Variants in SNTG1 observed in about 807,000 individuals in gnomAD.
SNTG1 encodes the protein syntrophin gamma 1.
Under a neutral mutation model 74.7 loss-of-function variants are expected in SNTG1, and 39 were observed. The ratio of observed to expected loss-of-function variants is 0.52; its 90% CI spans 0.40 to 0.68. The LOEUF (loss-of-function observed/expected upper bound fraction) is 0.68, where lower values mean the gene tolerates loss of function less well. SNTG1 is among the 30% of genes least tolerant of loss of function. The probability of loss-of-function intolerance (pLI) is 0.00; values close to 1 mark genes in which losing one functional copy is unlikely to be tolerated. For synonymous variants in SNTG1, 254 were observed against 217.1 expected, an observed-to-expected ratio of 1.17 and a Z score of -1.49; for missense variants, 685 against 609.5, an observed-to-expected ratio of 1.12 and a Z score of -1.30.
chr8:50,349,234 A>T (rs11985321), intron 2 of SNTG1, among the ~76,000 whole-genome samples: 2 of 152,160 alleles, frequency 1.3e-5, no homozygotes, highest in Admixed American at 6.5e-5. Flanking sequence ...GTCTGTGGGG[A>T]CCTATCATGT....
At chr8:50,368,309 C>T (rs1367286440) in intron 2 of SNTG1, among the ~76,000 whole-genome samples, 1 of 152,058 alleles carries the variant, frequency 6.6e-6, no homozygotes, top group Non-Finnish European at 1.5e-5. Context: ...TTACCAGATA[C>T]AATTTTTAAG....
intron 2 of SNTG1, among the ~76,000 whole-genome samples, chr8:50,226,801 A>AG (rs2085351633): frequency 6.6e-6 from 1 of 152,198 alleles, no homozygotes; most frequent in Non-Finnish European, 1.5e-5. Context: ...CATTGTAGTC[A>AG]GGCCCTCCTG....
intron 17 of SNTG1, among the ~76,000 whole-genome samples, chr8:50,714,792 A>G (rs544600282): frequency 2.0e-5 from 3 of 152,120 alleles, no homozygotes; most frequent in South Asian, 4.2e-4. Flanking sequence ...CTCAACCACA[A>G]TCTAATTTAC....
chr8:50,525,791 C>T (rs973476613), intron 9 of SNTG1, among the ~76,000 whole-genome samples: 4 of 150,966 alleles, frequency 2.6e-5, no homozygotes, highest in African/African-American at 7.3e-5. Context: ...TTTTAGCACA[C>T]TGAGCTTCTT....
chr8:50,619,101 T>C (rs991080033), intron 13 of SNTG1, among the ~76,000 whole-genome samples: 16 of 152,202 alleles, frequency 1.1e-4, no homozygotes, highest in East Asian at 3.8e-4. Context: ...CTTTATATTA[T>C]GTGCAAATTT....
At chr8:50,193,060 G>C (rs766782642) in intron 2 of SNTG1, among the ~76,000 whole-genome samples, 4 of 152,040 alleles carry the variant, frequency 2.6e-5, no homozygotes, top group Non-Finnish European at 5.9e-5. Context: ...TGGCCTTATA[G>C]TATAGTTTGA....
intron 8 of SNTG1, among the ~76,000 whole-genome samples, chr8:50,502,124 T>C (rs2093964745): frequency 6.6e-6 from 1 of 152,156 alleles, no homozygotes; most frequent in South Asian, 2.1e-4. Flanking sequence ...TTGAGAGTTA[T>C]TGATAATAAC....
chr8:50,181,760 C>A (rs1261584921), intron 2 of SNTG1, among the ~76,000 whole-genome samples: 2 of 151,976 alleles, frequency 1.3e-5, no homozygotes, highest in Non-Finnish European at 2.9e-5. Flanking sequence ...GTAACATGTA[C>A]AAAGTTATAT....
At chr8:50,196,438 A>G (rs1290405261) in intron 2 of SNTG1, among the ~76,000 whole-genome samples, 1 of 152,306 alleles carries the variant, frequency 6.6e-6, no homozygotes, top group Middle Eastern at 3.4e-3. Flanking sequence ...AGCTGCCTTT[A>G]AACTCTCTTT....
At chr8:50,590,368 T>C (rs1156259111) in intron 12 of SNTG1, among the ~76,000 whole-genome samples, 1 of 152,188 alleles carries the variant, frequency 6.6e-6, no homozygotes, top group Non-Finnish European at 1.5e-5. Flanking sequence ...GGAGACCTAC[T>C]TTAAATTCTT....
At chr8:50,488,719 G>T (rs919902484) in intron 8 of SNTG1, among the ~76,000 whole-genome samples, 16 of 152,166 alleles carry the variant, frequency 1.1e-4, no homozygotes, top group African/African-American at 3.9e-4. Context: ...CAAGAGCCCA[G>T]CATGACACTT....
chr8:50,152,765 G>A (rs989313539), intron 1 of SNTG1, among the ~76,000 whole-genome samples: 19 of 152,128 alleles, frequency 1.2e-4, no homozygotes, highest in Non-Finnish European at 2.1e-4. Flanking sequence ...AGTTTCTGCC[G>A]AGAGATCAGC....
intron 9 of SNTG1, among the ~76,000 whole-genome samples, chr8:50,507,170 G>C (rs1396728452): frequency 6.6e-6 from 1 of 151,658 alleles, no homozygotes. Context: ...TTGCATTTCA[G>C]GAATAAGTCA....
rs182433156 is a variant in SNTG1 at position 50,084,149 on chromosome 8, G to A, written c.-102-88412G>A. Reference sequence around the variant, plus strand: ...GGAAATGTTGTGCTAAATAGTGTATGCTAGAAAATATTTAAGTAAACTGTA... The same window carrying A: ...GGAAATGTTGTGCTAAATAGTGTATACTAGAAAATATTTAAGTAAACTGTA... On this transcript the variant is annotated intron_variant, in intron 1 of 18. Coordinates refer to ENST00000642720, the MANE Select transcript of SNTG1 (RefSeq NM_018967.5). Among the ~76,000 whole-genome samples the A allele has an allele frequency of 3.3e-3, 504 of 152,230 alleles. 6 individuals carry two copies. Among genetic ancestry groups the A allele is most frequent in the Admixed American group, 4.3e-3 (66 of 15,286 alleles).
chr8:50,150,244 G>T (rs1226370957), intron 1 of SNTG1, among the ~76,000 whole-genome samples: 1 of 152,262 alleles, frequency 6.6e-6, no homozygotes, highest in Admixed American at 6.5e-5. Context: ...CATTGATTTT[G>T]TATCCTGAGA....
chr8:50,023,530 C>T (rs1392383393), intron 1 of SNTG1, among the ~76,000 whole-genome samples: 1 of 152,074 alleles, frequency 6.6e-6, no homozygotes, highest in Non-Finnish European at 1.5e-5. Flanking sequence ...AAAGCTAAAG[C>T]CTGTTGTCCT....
intron 18 of SNTG1, among the ~76,000 whole-genome samples, chr8:50,786,287 T>G (rs895213032): frequency 2.0e-5 from 3 of 151,910 alleles, no homozygotes; most frequent in African/African-American, 7.2e-5. Flanking sequence ...TATCAAAAAA[T>G]TCTAAGGAAT....
At chr8:50,668,923 T>G (rs564680049) in intron 15 of SNTG1, among the ~76,000 whole-genome samples, 1 of 152,050 alleles carries the variant, frequency 6.6e-6, no homozygotes, top group Non-Finnish European at 1.5e-5. Flanking sequence ...CAATTGTAAA[T>G]AGTGCTGCAG....
intron 2 of SNTG1, among the ~76,000 whole-genome samples, chr8:50,348,560 A>G (rs115357744): frequency 2.0e-5 from 3 of 152,222 alleles, no homozygotes; most frequent in African/African-American, 7.2e-5. Context: ...GTCTGAGGAA[A>G]GCAGGACCAA....
Sources: gnomAD v4.1 joint callset for allele counts (sites outside exome capture counted in the v4.1 genomes callset) on GRCh38, gnomAD v4.1.1 for gene constraint, MANE v1.5 for transcripts, NCBI Gene and HGNC (gene_info 2026-07-23, HGNC 2026-07-21) for gene names.